The following SYNE1 variants were observed in gnomAD, a reference collection of about 807,000 sequenced individuals.
The protein encoded by SYNE1 is spectrin repeat containing nuclear envelope protein 1.
In SYNE1, 616 loss-of-function variants were observed where a neutral mutation model predicts 1,111.0. That is an observed-to-expected ratio of 0.55 (90% confidence interval 0.52 to 0.59). The LOEUF is 0.59. Ranked by LOEUF, SYNE1 falls within the 20% of genes least tolerant of loss-of-function variation. SYNE1 has a pLI of 0.00. For synonymous variants in SYNE1, 3,855 were observed against 3,825.8 expected, an observed-to-expected ratio of 1.01 and a Z score of -0.28; for missense variants, 10,006 against 10,417.0, an observed-to-expected ratio of 0.96 and a Z score of 1.72.
intron 6 of SYNE1, chr6:152,511,514 T>C: frequency 1.3e-6 from 2 of 1,518,684 alleles, no homozygotes; most frequent in Non-Finnish European, 1.8e-6. Flanking sequence ...GCAGGTAACT[T>C]ATGTTCCCTT....
Position 152,316,903 on chromosome 6 carries a change from T to C in SYNE1, c.16656A>G (p.Gly5552=), listed in dbSNP as rs1267643714. ...GGCTTGCAGAATTCCATGCAATAGT[T>C]CCATGAGCCAAGACTTTAGCTTTTT... ...WIEKAKVLAH[G]TIAWNSASQL... is the part of the protein sequence containing the mutation. Residue 5552 remains glycine, a synonymous_variant, in exon 87 of 146, where the codon GGA becomes GGG. Transcript: ENST00000367255. 4.3e-6 allele frequency: 7 copies of C among 1,614,142 alleles called. No homozygotes were observed. Among genetic ancestry groups the C allele is most frequent in the Non-Finnish European group, 5.9e-6 (7 of 1,180,008 alleles).
chr6:152,226,012 A>T, intron 115 of SYNE1, 136 bp from the exon 116 acceptor site: 1 of 826,268 alleles, frequency 1.2e-6, no homozygotes, highest in South Asian at 1.7e-5. Flanking sequence ...CAGAAGAGGC[A>T]CGCTGCAGAA....
At chr6:152,604,410 C>G (rs1173143737) in intron 3 of SYNE1, among the ~76,000 whole-genome samples, 2 of 152,046 alleles carry the variant, frequency 1.3e-5, no homozygotes, top group African/African-American at 4.8e-5. Context: ...TCAGGTGATC[C>G]TCCCATCTCA....
intron 127 of SYNE1, among the ~76,000 whole-genome samples, chr6:152,190,020 T>G (rs1457510272): frequency 6.6e-6 from 1 of 152,234 alleles, no homozygotes; most frequent in East Asian, 1.9e-4. Context: ...TACTGCTACT[T>G]TATCAACTAA....
Position 152,447,542 on chromosome 6 carries a change from A to G in SYNE1, c.3585T>C (p.Ser1195=). 1 of 1,614,246 alleles carries G rather than the reference A, an allele frequency of 6.2e-7. No individual in the cohort carries two copies. Among genetic ancestry groups the G allele is most frequent in the Non-Finnish European group, 8.5e-7 (1 of 1,180,040 alleles). The change falls in exon 29 of 146, where the codon TCT becomes TCC. Residue 1195 remains serine (S), a synonymous_variant. Coordinates refer to ENST00000367255, the MANE Select transcript of SYNE1 (RefSeq NM_182961.4). ...CCTGCTTTTGGGCTTCATTCTCAGA[A>G]GAAACTTCTGTCAAAACTTTCAGCC... The part of the protein sequence containing the change: ...KSRLKVLTEV[S]SENEAQKQGD...
At chr6:152,401,033 T>A in intron 47 of SYNE1, 105 bp downstream of exon 47, 1 of 1,136,354 alleles carries the variant, frequency 8.8e-7, no homozygotes, top group South Asian at 1.3e-5. Flanking sequence ...CTGGTGTTCA[T>A]ATGGGTAACT....
chr6:152,286,563 T>A (rs1350578992), intron 95 of SYNE1, among the ~76,000 whole-genome samples: 4 of 152,224 alleles, frequency 2.6e-5, no homozygotes, highest in African/African-American at 9.6e-5. Context: ...ATTGTAATTT[T>A]AATTTCCATT....
At chr6:152,183,259 G>A (rs752064966) in intron 128 of SYNE1, among the ~76,000 whole-genome samples, 3 of 152,060 alleles carry the variant, frequency 2.0e-5, no homozygotes, top group Non-Finnish European at 2.9e-5. Context: ...TTAAAATCCC[G>A]GTTCAATTGA....
chr6:152,532,861 T>C (rs1333014291), intron 4 of SYNE1, among the ~76,000 whole-genome samples: 1 of 152,138 alleles, frequency 6.6e-6, no homozygotes. Context: ...GATGATTATC[T>C]TCTGGGTGGG....
intron 122 of SYNE1, among the ~76,000 whole-genome samples, chr6:152,214,352 C>T (rs114819044): frequency 6.6e-5 from 10 of 152,204 alleles, no homozygotes; most frequent in Admixed American, 2.0e-4. Flanking sequence ...ACATGAGAAA[C>T]GACTTTACAA....
chr6:152,450,928 C>T, intron 26 of SYNE1, 95 bp from the exon 27 acceptor site: 1 of 1,594,018 alleles, frequency 6.3e-7, no homozygotes, highest in African/African-American at 1.3e-5. Flanking sequence ...CCCACGCAGA[C>T]TACCAAGGTA....
intron 128 of SYNE1, among the ~76,000 whole-genome samples, chr6:152,184,649 T>C (rs1189371701): frequency 2.7e-5 from 4 of 147,902 alleles, no homozygotes; most frequent in African/African-American, 7.3e-5. Context: ...GATAGATAGA[T>C]AGATAGATAG....
In SYNE1 at chr6:152,466,076, A is replaced by G. The variant is rs753285102; in HGVS notation, c.1635T>C (p.Ser545=). 10 of 1,580,530 alleles carry G rather than the reference A, an allele frequency of 6.3e-6. No individual in the cohort carries two copies. Among genetic ancestry groups the G allele is most frequent in the Non-Finnish European group, 8.7e-6 (10 of 1,149,992 alleles). ...CAAAGAACTTGCTATTTTCTATAAA[A>G]GACTAGAAAAGGAGGAATGGTTAGA... ...SVEQLLQNYV[S]FIENSKFFEQ... The change falls in exon 17 of 146, where the codon TCT becomes TCC. Residue 545 remains serine (S), a splice_region_variant and synonymous_variant. Coordinates refer to ENST00000367255, the MANE Select transcript of SYNE1 (RefSeq NM_182961.4).
At position 152,625,347 on chromosome 6, in the gene SYNE1, C is replaced by T. The variant is rs528267716; in HGVS notation, c.67+2918G>A. The stretch of plus-strand genomic sequence containing the variant: ...GACAACTGAGAGCAAGAGACCTGCA[C>T]GTCACCAACTGAATCAGCAGAATTA... On this transcript the variant is annotated intron_variant, in intron 3 of 145. Transcript: ENST00000367255. Among the ~76,000 whole-genome samples the T allele has an allele frequency of 3.4e-4, 52 of 152,324 alleles. No individual in the cohort carries two copies. In the South Asian group the frequency reaches 0.01, roughly 30 times the overall value.
At chr6:152,216,945 C>A (rs1417332080) in intron 121 of SYNE1, among the ~76,000 whole-genome samples, 1 of 151,852 alleles carries the variant, frequency 6.6e-6, no homozygotes, top group Admixed American at 6.6e-5. Context: ...TGCCTGTAGT[C>A]CCAGCTATTT....
In SYNE1 at chr6:152,381,338, C is replaced by T; in HGVS notation, c.8677G>A (p.Gly2893Ser). The T allele has an allele frequency of 1.2e-6, 2 of 1,613,878 alleles. No individual in the cohort carries two copies. Among genetic ancestry groups the T allele is most frequent in the Non-Finnish European group, 1.7e-6 (2 of 1,180,044 alleles). Residue 2893 changes from glycine (G) to serine (S), a missense_variant, in exon 56 of 146, where the codon GGT (glycine) becomes AGT (serine). This residue lies in a region of SYNE1 where 4,955 missense variants were observed against 5,017.2 expected (regional missense o/e 0.99). Coordinates refer to ENST00000367255, the MANE Select transcript of SYNE1 (RefSeq NM_182961.4). ...TCCACTCTGCTGAGACGGCTTGCAC[C>T]AATCTCTCTGGAATCTATCAGCTCC... Reference protein sequence around the residue: ...IKELIDSREIGASRLSRVESL... With the variant: ...IKELIDSREISASRLSRVESL...
At position 152,385,851 on chromosome 6, in the gene SYNE1, GA is replaced by G. The variant is rs1179595551; in HGVS notation, c.8488-14del. ...TCCTCATTTTTTCCTAGTAAACAAAGAAAAGACTACCTTAACAGTGGTCCTT... is the reference window on the plus strand; with the variant it reads ...TCCTCATTTTTTCCTAGTAAACAAAGAAAGACTACCTTAACAGTGGTCCTT... On this transcript the variant is annotated splice_polypyrimidine_tract_variant and intron_variant, in intron 54 of 145. Coordinates refer to ENST00000367255, the MANE Select transcript of SYNE1 (RefSeq NM_182961.4). 6.2e-7 allele frequency: 1 copy of G among 1,613,582 alleles called. No individual in the cohort carries two copies. Among genetic ancestry groups the G allele is most frequent in the African/African-American group, 1.3e-5 (1 of 74,896 alleles).
Position 152,442,086 on chromosome 6 carries a change from G to C in SYNE1, c.3997C>G (p.Arg1333Gly). 1 of 1,614,070 alleles carries C rather than the reference G, an allele frequency of 6.2e-7. No homozygotes were observed. The highest frequency in any genetic ancestry group is 8.5e-7 in the Non-Finnish European group (1 of 1,180,040). The change falls in exon 31 of 146, where the codon CGC (arginine) becomes GGC (glycine). Residue 1333 changes from arginine to glycine, a missense_variant. By Grantham distance (125) the Arg-to-Gly change is moderately radical. Around this residue, in one of 7 missense-constraint regions of SYNE1, gnomAD observed 1,971 missense variants for 2,084.1 expected, o/e 0.95. Transcript: ENST00000367255. ...GLERSRERQE[R>G]RIQVTLRKWE... The stretch of plus-strand genomic sequence containing the variant: ...CTTCCGGCTCCTACCTGGATGCGGC[G>C]TTCCTGCCTCTCCCGGCTGCGCTCC...
intron 37 of SYNE1, 46 bp from the exon 38 acceptor site, chr6:152,427,862 G>A: frequency 6.2e-7 from 1 of 1,612,986 alleles, no homozygotes; most frequent in African/African-American, 1.3e-5. Flanking sequence ...AAATTATCAT[G>A]CTAGCAGATT....
Sources: gnomAD v4.1 joint callset for allele counts (sites outside exome capture counted in the v4.1 genomes callset) on GRCh38, gnomAD v4.1.1 for gene constraint, gnomAD v4.1.1 regional missense constraint, MANE v1.5 for transcripts, NCBI Gene and HGNC (gene_info 2026-07-23, HGNC 2026-07-21) for gene names.